The following WWOX variants were observed in gnomAD, a reference collection of about 807,000 sequenced individuals.
The protein encoded by WWOX is WW domain containing oxidoreductase.
A neutral mutation model predicts 46.2 loss-of-function variants in WWOX; 69 were observed. The observed-to-expected ratio is 1.49, with a 90% CI of 1.23 to 1.82. The LOEUF (loss-of-function observed/expected upper bound fraction) is 1.82. Among genes scored for constraint, WWOX ranks in the 40% most tolerant of loss-of-function variants. WWOX has a pLI of 0.00. For synonymous variants in WWOX, 359 were observed against 202.6 expected, an observed-to-expected ratio of 1.77 and a Z score of -6.56; for missense variants, 919 against 542.6, an observed-to-expected ratio of 1.69 and a Z score of -6.89.
At chr16:78,333,043 CTTTTTTTT>C (rs11289222) in intron 5 of WWOX, among the ~76,000 whole-genome samples, 55 of 57,128 alleles carry the variant, frequency 9.6e-4, no homozygotes, top group Middle Eastern at 0.017. Flanking sequence ...GAGCATTATA[CTTTTTTTT>C]TTTTTTTTTT....
chr16:78,712,416 C>T (rs990270297), intron 8 of WWOX, among the ~76,000 whole-genome samples: 3 of 151,620 alleles, frequency 2.0e-5, no homozygotes, highest in South Asian at 2.1e-4. Context: ...GCGGGAGAAT[C>T]GCTTGAACCC....
intron 8 of WWOX, among the ~76,000 whole-genome samples, chr16:79,182,980 C>G (rs1052952891): frequency 5.3e-5 from 8 of 152,302 alleles, no homozygotes; most frequent in Admixed American, 2.6e-4. Context: ...AAGACATGTA[C>G]TAGGCGGGTC....
At chr16:78,495,312 T>C (rs2084888854) in intron 8 of WWOX, among the ~76,000 whole-genome samples, 2 of 152,070 alleles carry the variant, frequency 1.3e-5, no homozygotes, top group African/African-American at 4.8e-5. Context: ...AGCTAATTTT[T>C]GTATTTTTAG....
intron 8 of WWOX, among the ~76,000 whole-genome samples, chr16:78,792,043 C>G (rs2050615568): frequency 6.6e-6 from 1 of 152,136 alleles, no homozygotes; most frequent in Non-Finnish European, 1.5e-5. Context: ...AGCTACACAT[C>G]CCATAGTCAG....
chr16:78,551,003 AAT>A (rs1360239573), intron 8 of WWOX: 1 of 152,242 alleles, frequency 6.6e-6, no homozygotes, highest in African/African-American at 2.4e-5. Flanking sequence ...AGTAACAGTC[AAT>A]ATATTCAGTG....
chr16:78,306,884 G>A (rs2080144341), intron 5 of WWOX, among the ~76,000 whole-genome samples: 1 of 151,968 alleles, frequency 6.6e-6, no homozygotes, highest in Non-Finnish European at 1.5e-5. Context: ...AATTCCCAGT[G>A]AACCCCACTT....
intron 8 of WWOX, among the ~76,000 whole-genome samples, chr16:79,058,125 CAAACAAAAAA>C: frequency 1.4e-5 from 1 of 72,376 alleles, no homozygotes; most frequent in South Asian, 3.2e-4. Flanking sequence ...AAAAAACAAA[CAAACAAAAAA>C]AAAAAACTCC....
chr16:79,024,629 G>C (rs2047600874), intron 8 of WWOX, among the ~76,000 whole-genome samples: 1 of 151,958 alleles, frequency 6.6e-6, no homozygotes, highest in Non-Finnish European at 1.5e-5. Flanking sequence ...TAGAGACGGG[G>C]TTTCACCATG....
intron 8 of WWOX, among the ~76,000 whole-genome samples, chr16:78,724,292 G>C (rs1010215049): frequency 6.6e-6 from 1 of 152,136 alleles, no homozygotes; most frequent in South Asian, 2.1e-4. Flanking sequence ...AAATACAGTA[G>C]TTGGATTCAT....
intron 5 of WWOX, among the ~76,000 whole-genome samples, chr16:78,250,759 C>T (rs1490736699): frequency 6.6e-6 from 1 of 152,120 alleles, no homozygotes; most frequent in East Asian, 1.9e-4. Flanking sequence ...AGGATATCCA[C>T]CTCCCTACAG....
chr16:78,182,950 CAA>C (rs1193436425), intron 5 of WWOX, among the ~76,000 whole-genome samples: 7 of 115,054 alleles, frequency 6.1e-5, no homozygotes, highest in Non-Finnish European at 3.7e-5. Flanking sequence ...GAATCTGTCT[CAA>C]AAAAAAAAAA....
intron 1 of WWOX, among the ~76,000 whole-genome samples, chr16:78,103,610 C>T (rs1013151701): frequency 6.6e-6 from 1 of 152,094 alleles, no homozygotes; most frequent in East Asian, 1.9e-4. Flanking sequence ...CATCCTGGCC[C>T]TTCTTTTCTT....
rs4035490 is a variant in WWOX at position 79,070,268 on chromosome 16, A to ATGTGTG, written c.1057-141306_1057-141301dup. Among the ~76,000 whole-genome samples, 459 of 145,190 alleles carry ATGTGTG rather than the reference A, an allele frequency of 3.2e-3. 5 individuals are homozygous for ATGTGTG. The highest frequency in any genetic ancestry group is 0.017 in the Middle Eastern group (5 of 290). ...GTTTGTTCTTAGGAATGTGTTTCTG[A>ATGTGTG]TGTGTGTGTGTGTGTGTGTGTGTGT... On this transcript the variant is annotated intron_variant, in intron 8 of 8. Coordinates refer to ENST00000566780, the MANE Select transcript of WWOX (RefSeq NM_016373.4).
At chr16:79,127,489 A>T (rs62038852) in intron 8 of WWOX, among the ~76,000 whole-genome samples, 2 of 152,026 alleles carry the variant, frequency 1.3e-5, no homozygotes, top group African/African-American at 4.8e-5. Context: ...TGGATGTTTC[A>T]TAATTCATTG....
intron 5 of WWOX, among the ~76,000 whole-genome samples, chr16:78,325,643 CG>C (rs1273323101): frequency 3.9e-5 from 6 of 152,172 alleles, no homozygotes; most frequent in Non-Finnish European, 8.8e-5. Flanking sequence ...CGGCCTTCTC[CG>C]TTTGGCAGCT....
Position 78,946,723 on chromosome 16 carries a change from G to C in WWOX, c.1057-264885G>C, listed in dbSNP as rs185032647. On this transcript the variant is annotated intron_variant, in intron 8 of 8. Transcript: ENST00000566780. ...TGGTGCGTCTGTTTTTCAGAGCGTT[G>C]AGAGTCATGCGGGCCATATGGATGC... Among the ~76,000 whole-genome samples the C allele has an allele frequency of 3.9e-5, 6 of 152,108 alleles. No individual in the cohort carries two copies. The South Asian group carries it at 1.2e-3, about 32-fold the overall frequency.
At chr16:78,683,903 G>T (rs1229307305) in intron 8 of WWOX, among the ~76,000 whole-genome samples, 1 of 152,178 alleles carries the variant, frequency 6.6e-6, no homozygotes, top group Admixed American at 6.5e-5. Context: ...TAAGAAAAAG[G>T]TTTACTGTAA....
chr16:79,070,860 G>A (rs1240485708), intron 8 of WWOX, among the ~76,000 whole-genome samples: 1 of 152,056 alleles, frequency 6.6e-6, no homozygotes, highest in Non-Finnish European at 1.5e-5. Context: ...GAGAAATGTG[G>A]GTGTGTTGAC....
intron 5 of WWOX, among the ~76,000 whole-genome samples, chr16:78,242,466 C>T (rs2037685790): frequency 6.6e-6 from 1 of 152,320 alleles, no homozygotes; most frequent in East Asian, 1.9e-4. Context: ...AAATAATTCT[C>T]TCTCCACACA....
Sources: gnomAD v4.1 joint callset for allele counts (sites outside exome capture counted in the v4.1 genomes callset) on GRCh38, gnomAD v4.1.1 for gene constraint, MANE v1.5 for transcripts, NCBI Gene and HGNC (gene_info 2026-07-23, HGNC 2026-07-21) for gene names.